The following MINK1 variants were observed in gnomAD, a reference collection of about 807,000 sequenced individuals.
MINK1 encodes the protein misshapen like kinase 1.
MINK1 carries 46 observed loss-of-function variants against 178.4 expected under a neutral mutation model. The ratio of observed to expected loss-of-function variants is 0.26; its 90% CI spans 0.20 to 0.33. MINK1 has a LOEUF of 0.33. MINK1 is among the 10% of genes least tolerant of loss of function. MINK1 has a pLI of 1.00. For synonymous variants in MINK1, 797 were observed against 709.7 expected, an observed-to-expected ratio of 1.12 and a Z score of -1.96; for missense variants, 1,366 against 1,814.9, an observed-to-expected ratio of 0.75 and a Z score of 4.49.
chr17:4,893,732 C>A, intron 21 of MINK1, 135 bp downstream of exon 21: 1 of 1,286,334 alleles, frequency 7.8e-7, no homozygotes, highest in Non-Finnish European at 1.0e-6. Context: ...GGTGAGGGTG[C>A]AGGTTCCTGT....
intron 1 of MINK1, among the ~76,000 whole-genome samples, chr17:4,873,123 A>G (rs1014067176): frequency 1.3e-5 from 2 of 152,168 alleles, no homozygotes; most frequent in African/African-American, 2.4e-5. Context: ...TGCAGCCTCC[A>G]TGACCATCTC....
In MINK1 at chr17:4,896,308, C is replaced by T. The variant is rs745653108; in HGVS notation, c.3581C>T (p.Ser1194Leu). Residue 1194 changes from serine to leucine, a missense_variant, in exon 29 of 32, where the codon TCG becomes TTG. Ser to Leu is a moderately radical substitution (Grantham distance 145, BLOSUM62 -2). This residue lies in a region of MINK1 where 201 missense variants were observed against 240.7 expected (regional missense o/e 0.84). Coordinates refer to ENST00000355280, the MANE Select transcript of MINK1 (RefSeq NM_153827.5). The surrounding 1 kb of genome is among the most constrained non-coding windows in gnomAD (Gnocchi z 4.6). ...SAGFHAVDVD[S>L]GNSYDIYIPV... ...GGCTTCCATGCTGTGGATGTCGACT[C>T]GGGGAACAGCTATGACATCTACATC... is the stretch of plus-strand genomic sequence containing the variant. 5.0e-6 allele frequency: 8 copies of T among 1,600,192 alleles called. No individual in the cohort carries two copies. Among genetic ancestry groups the T allele is most frequent in the African/African-American group, 2.7e-5 (2 of 74,728 alleles).
chr17:4,869,619 G>A (rs1053070820), intron 1 of MINK1, among the ~76,000 whole-genome samples: 4 of 151,940 alleles, frequency 2.6e-5, no homozygotes, highest in East Asian at 3.9e-4. Context: ...GGTATTGCCC[G>A]ATCTTACGAT....
chr17:4,866,381 C>T (rs968248410), intron 1 of MINK1, among the ~76,000 whole-genome samples: 1 of 151,152 alleles, frequency 6.6e-6, no homozygotes, highest in African/African-American at 2.4e-5. Context: ...GCAGGAGAAT[C>T]GCTTGAACTA....
chr17:4,851,010 C>T (rs143636482), intron 1 of MINK1: 101 of 458,854 alleles, frequency 2.2e-4, no homozygotes, highest in Non-Finnish European at 3.8e-4. Context: ...AGCCTGCCTC[C>T]GAGGCCACAG....
Position 4,885,386 on chromosome 17 carries a change from A to C in MINK1, c.509-97A>C, listed in dbSNP as rs539494345. On this transcript the variant is annotated intron_variant, in intron 6 of 31. Coordinates refer to ENST00000355280, the MANE Select transcript of MINK1 (RefSeq NM_153827.5). The surrounding 1 kb of genome is among the most constrained non-coding windows in gnomAD (Gnocchi z 5.0). Reference sequence around the variant, plus strand: ...GGTGTCTGGGTCGGGCCAGGACCACAGCTGGCTCAGGCAAGTCCTGTGTGT... The same window carrying C: ...GGTGTCTGGGTCGGGCCAGGACCACCGCTGGCTCAGGCAAGTCCTGTGTGT... 28 of 1,527,802 alleles carry C rather than the reference A, an allele frequency of 1.8e-5. 1 individual carries two copies. In the South Asian group the frequency reaches 3.4e-4, roughly 19 times the overall value. The allele number at this position is 1,527,802 out of a possible 1,614,324, so 94.6% of individuals were successfully genotyped here.
intron 21 of MINK1, 166 bp downstream of exon 21, chr17:4,893,763 T>C (rs1969123789): frequency 9.0e-7 from 1 of 1,111,994 alleles, no homozygotes; most frequent in African/African-American, 1.6e-5. Context: ...CTGCCCTGTG[T>C]GTTGTGGGGT....
Position 4,896,791 on chromosome 17 carries a change from TC to T in MINK1, c.3895del (p.Leu1299CysfsTer24). On this transcript the variant is annotated frameshift_variant, in exon 31 of 32. Coordinates refer to ENST00000355280, the MANE Select transcript of MINK1 (RefSeq NM_153827.5). LOFTEE classifies it high-confidence loss of function. This position sits in a 1 kb window ranked among gnomAD's most constrained non-coding sequence, Gnocchi z 4.6. Reference protein sequence around the residue: ...FMHKRAQRLKFLCERNDKVFF... With the variant: ...FMHKRAQRLKXLCERNDKVFF... ...CACAAACGAGCTCAGAGGCTCAAGT[TC>T]CTGTGTGAGCGGAATGACAAGGTGG... 6.3e-7 allele frequency: 1 copy of T among 1,575,484 alleles called. No individual in the cohort carries two copies. The highest frequency in any genetic ancestry group is 8.6e-7 in the Non-Finnish European group (1 of 1,161,022).
chr17:4,873,767 C>T (rs1966922524), intron 1 of MINK1, among the ~76,000 whole-genome samples: 1 of 151,874 alleles, frequency 6.6e-6, no homozygotes, highest in African/African-American at 2.4e-5. Context: ...TACAGGTGCC[C>T]ACCACCATAT....
chr17:4,859,598 G>A (rs1429261505), intron 1 of MINK1, among the ~76,000 whole-genome samples: 1 of 151,792 alleles, frequency 6.6e-6, no homozygotes, highest in East Asian at 1.9e-4. Flanking sequence ...GACCAGCCTG[G>A]CCAACATGGT....
At chr17:4,888,996 A>G (rs1968504177) in intron 12 of MINK1, among the ~76,000 whole-genome samples, 1 of 152,114 alleles carries the variant, frequency 6.6e-6, no homozygotes, top group Non-Finnish European at 1.5e-5. Flanking sequence ...CACCGCGCCC[A>G]GCCACAGAGT....
intron 1 of MINK1, among the ~76,000 whole-genome samples, chr17:4,842,277 TG>T (rs1246123144): frequency 6.6e-6 from 1 of 151,404 alleles, no homozygotes; most frequent in African/African-American, 2.4e-5. Flanking sequence ...ACATGGGGAT[TG>T]GGGATGTTAA....
At chr17:4,877,962 A>C (rs7218809) in intron 1 of MINK1, among the ~76,000 whole-genome samples, 2 of 151,586 alleles carry the variant, frequency 1.3e-5, no homozygotes, top group African/African-American at 2.4e-5. Flanking sequence ...AGGCGCCCGC[A>C]ACCACGCCCA....
At chr17:4,854,385 G>A (rs1400792946) in intron 1 of MINK1, among the ~76,000 whole-genome samples, 1 of 152,200 alleles carries the variant, frequency 6.6e-6, no homozygotes, top group Non-Finnish European at 1.5e-5. Context: ...CAGATCTGTG[G>A]GGAACCTAGA....
intron 4 of MINK1, among the ~76,000 whole-genome samples, chr17:4,882,232 A>T (rs1232183427): frequency 6.6e-6 from 1 of 152,236 alleles, no homozygotes; most frequent in Non-Finnish European, 1.5e-5. Flanking sequence ...TCTCCAAGGA[A>T]TAGGCACATG....
At chr17:4,841,744 C>G (rs1014095536) in intron 1 of MINK1, among the ~76,000 whole-genome samples, 1 of 152,066 alleles carries the variant, frequency 6.6e-6, no homozygotes, top group South Asian at 2.1e-4. Context: ...TGGTAAGAGA[C>G]ATGGATCTAA....
At position 4,897,296 on chromosome 17, in the gene MINK1, TGGGCTG is replaced by T. The variant is rs780484680; in HGVS notation, c.*16_*21del. The T allele has an allele frequency of 7.9e-5, 128 of 1,613,176 alleles. No individual in the cohort carries two copies. Among genetic ancestry groups the T allele is most frequent in the Non-Finnish European group, 1.1e-4 (125 of 1,179,364 alleles). ...GCATCATGAACTGGTGACGGGGCCC[TGGGCTG>T]GGGCTGTCCCACACTGGACCCAGCT... On this transcript the variant is annotated 3_prime_UTR_variant, in exon 32 of 32. Coordinates refer to ENST00000355280, the MANE Select transcript of MINK1 (RefSeq NM_153827.5).
chr17:4,872,838 G>A (rs72835040), intron 1 of MINK1, among the ~76,000 whole-genome samples: 11,341 of 152,062 alleles, frequency 0.075, 464 homozygotes, highest in Non-Finnish European at 0.095. Flanking sequence ...GATGATGAAC[G>A]ATCTTCCCTA....
chr17:4,853,619 C>G (rs769159502), intron 1 of MINK1, among the ~76,000 whole-genome samples: 60 of 151,970 alleles, frequency 3.9e-4, no homozygotes, highest in Non-Finnish European at 1.0e-4. Flanking sequence ...CCAAGCTTCC[C>G]TGCAGGTTTA....
Sources: gnomAD v4.1 joint callset for allele counts (sites outside exome capture counted in the v4.1 genomes callset) on GRCh38, gnomAD v4.1.1 for gene constraint, gnomAD v4.1.1 regional missense constraint, Gnocchi (gnomAD v3.1) non-coding constraint, MANE v1.5 for transcripts, NCBI Gene and HGNC (gene_info 2026-07-23, HGNC 2026-07-21) for gene names.